FLT1: variants seen among roughly 807,000 people sequenced by gnomAD.
The protein encoded by FLT1 is fms related receptor tyrosine kinase 1, also known as vascular endothelial growth factor receptor 1.
In FLT1, 49 loss-of-function variants were observed where a neutral mutation model predicts 156.3. The ratio of observed to expected loss-of-function variants is 0.31; its 90% CI spans 0.25 to 0.40. FLT1 has a LOEUF of 0.40. Ranked by LOEUF, FLT1 falls within the 10% of genes least tolerant of loss-of-function variation. FLT1 has a pLI of 1.00. For missense variants in FLT1, 1,322 were observed against 1,637.2 expected (o/e 0.81, Z 3.32); for synonymous variants, 594 against 583.8 (o/e 1.02, Z -0.25).
chr13:28,316,250 G>A (rs115115498), intron 25 of FLT1, among the ~76,000 whole-genome samples: 129 of 152,306 alleles, frequency 8.5e-4, no homozygotes, highest in African/African-American at 2.9e-3. Context: ...CCCTTACCCC[G>A]AGATGATGAA....
chr13:28,368,942 T>A (rs916436477), intron 14 of FLT1, among the ~76,000 whole-genome samples: 1 of 151,878 alleles, frequency 6.6e-6, no homozygotes, highest in African/African-American at 2.4e-5. Context: ...TGACCTCAGG[T>A]GATCCACCAG....
intron 20 of FLT1, among the ~76,000 whole-genome samples, chr13:28,326,333 G>C (rs1434497380): frequency 6.6e-6 from 1 of 152,110 alleles, no homozygotes; most frequent in African/African-American, 2.4e-5. Context: ...TCTGATTCCA[G>C]AGTCTCAATG....
chr13:28,470,836 G>T (rs191651520), intron 1 of FLT1, among the ~76,000 whole-genome samples: 1 of 152,056 alleles, frequency 6.6e-6, no homozygotes, highest in Non-Finnish European at 1.5e-5. Context: ...GATTACAGGC[G>T]CCTGCCACCA....
At chr13:28,387,359 TATA>T in intron 13 of FLT1, 1 of 1,048,600 alleles carries the variant, frequency 9.5e-7, no homozygotes, top group East Asian at 5.5e-5. Context: ...CTTTATACAT[TATA>T]ATAATCTATT....
chr13:28,310,494 G>A (rs944840373), intron 27 of FLT1, among the ~76,000 whole-genome samples: 2 of 152,164 alleles, frequency 1.3e-5, no homozygotes, highest in African/African-American at 2.4e-5. Context: ...TGCTCTGGGC[G>A]TAAGAGGAGT....
At chr13:28,372,566 G>GTATACATATATATATATATATATA (rs1555232433) in intron 14 of FLT1, among the ~76,000 whole-genome samples, 9 of 91,458 alleles carry the variant, frequency 9.8e-5, no homozygotes, top group East Asian at 9.2e-4. Flanking sequence ...TAAATAAAAT[G>GTATACATATATATATATATATATA]TATATATATA....
At chr13:28,366,341 G>A (rs1481788467) in intron 14 of FLT1, among the ~76,000 whole-genome samples, 1 of 152,124 alleles carries the variant, frequency 6.6e-6, no homozygotes, top group Non-Finnish European at 1.5e-5. Context: ...TGTGTCTTTG[G>A]TATGAGCCAT....
intron 14 of FLT1, among the ~76,000 whole-genome samples, chr13:28,372,062 ATATATATATATATATT>A (rs1410040467): frequency 5.8e-3 from 190 of 32,482 alleles, no homozygotes; most frequent in Non-Finnish European, 9.8e-3. Flanking sequence ...ATATATATAT[ATATATATATATATATT>A]TTTTTTTTTT....
rs1316321089 is a variant in FLT1 at position 28,430,064 on chromosome 13, C to T, written c.1092G>A (p.Ser364=). 6.8e-6 allele frequency: 11 copies of T among 1,609,928 alleles called. No individual in the cohort carries two copies. Among genetic ancestry groups the T allele is most frequent in the African/African-American group, 2.7e-5 (2 of 74,822 alleles). Residue 364 remains serine, a synonymous_variant, in exon 8 of 30, where the codon TCG becomes TCA. Transcript: ENST00000282397. ...GATGGTCCTACCATACAACTTCCGG[C>T]GAGGGAAATGCCTTCACTTTCATAG... The part of the protein sequence containing the change: ...RLSMKVKAFP[S]PEVVWLKDGL...
intron 14 of FLT1, among the ~76,000 whole-genome samples, chr13:28,378,760 T>C (rs1468028858): frequency 6.6e-6 from 1 of 152,228 alleles, no homozygotes; most frequent in Admixed American, 6.5e-5. Context: ...AAAACAGATC[T>C]GTGGAATGTA....
At chr13:28,373,768 G>T (rs1269314303) in intron 14 of FLT1, among the ~76,000 whole-genome samples, 1 of 152,114 alleles carries the variant, frequency 6.6e-6, no homozygotes, top group Non-Finnish European at 1.5e-5. Context: ...TTAGTTTTGG[G>T]GTTAGTGTCT....
chr13:28,444,979 A>G (rs962654155), intron 3 of FLT1, among the ~76,000 whole-genome samples: 13 of 152,212 alleles, frequency 8.5e-5, no homozygotes, highest in Admixed American at 6.5e-5. Flanking sequence ...AGTAAAGAAC[A>G]GAAAACTAAA....
At position 28,319,505 on chromosome 13, in the gene FLT1, A is replaced by G. The variant is rs2296189; in HGVS notation, c.3204T>C (p.Pro1068=). ...TGTAGATTTTGTCAAAGATAGATTC[A>G]GGAGCCATCCATTTCAGAGGAAGTC... ...DTRLPLKWMA[P]ESIFDKIYST... Residue 1068 remains proline, a synonymous_variant, in exon 24 of 30, where the codon CCT becomes CCC. Transcript: ENST00000282397. 0.2 allele frequency: 325,346 copies of G among 1,612,098 alleles called. 36,238 individuals are homozygous for G. The highest frequency in any genetic ancestry group is 0.41 in the South Asian group (37,004 of 90,918).
chr13:28,429,216 T>C (rs1877530798), intron 8 of FLT1, among the ~76,000 whole-genome samples: 1 of 152,218 alleles, frequency 6.6e-6, no homozygotes, highest in South Asian at 2.1e-4. Context: ...TTTAATTCCC[T>C]ATTAAGTATT....
intron 4 of FLT1, among the ~76,000 whole-genome samples, chr13:28,436,188 C>G (rs1878013190): frequency 6.6e-6 from 1 of 152,148 alleles, no homozygotes; most frequent in Non-Finnish European, 1.5e-5. Context: ...GTGGCCACCA[C>G]CGCATGTGTA....
chr13:28,452,675 C>G (rs2137589594), intron 3 of FLT1, among the ~76,000 whole-genome samples: 1 of 152,270 alleles, frequency 6.6e-6, no homozygotes, highest in Admixed American at 6.5e-5. Flanking sequence ...AGCTTAATCT[C>G]TTTTTCACAT....
intron 1 of FLT1, among the ~76,000 whole-genome samples, chr13:28,489,143 A>T (rs1881339593): frequency 6.6e-6 from 1 of 152,192 alleles, no homozygotes; most frequent in Non-Finnish European, 1.5e-5. Flanking sequence ...AGCTGATCTC[A>T]TACATCTCAA....
chr13:28,366,557 C>G (rs886525799), intron 14 of FLT1, among the ~76,000 whole-genome samples: 20 of 152,052 alleles, frequency 1.3e-4, no homozygotes, highest in African/African-American at 4.6e-4. Flanking sequence ...GCAACCTCCG[C>G]CTCCTGGGTT....
At chr13:28,468,277 A>G (rs1469204920) in intron 1 of FLT1, among the ~76,000 whole-genome samples, 1 of 152,216 alleles carries the variant, frequency 6.6e-6, no homozygotes, top group Non-Finnish European at 1.5e-5. Flanking sequence ...GTCAAAAGGG[A>G]ACTGTTCACA....
Sources: gnomAD v4.1 joint callset for allele counts (sites outside exome capture counted in the v4.1 genomes callset) on GRCh38, gnomAD v4.1.1 for gene constraint, MANE v1.5 for transcripts, NCBI Gene and HGNC (gene_info 2026-07-23, HGNC 2026-07-21) for gene names.